Variants in SCYL2 observed in about 807,000 individuals in gnomAD.
SCYL2 encodes SCY1-like protein 2.
SCYL2 carries 36 observed loss-of-function variants against 100.4 expected under a neutral mutation model. That is an observed-to-expected ratio of 0.36 (90% confidence interval 0.27 to 0.47). The LOEUF (loss-of-function observed/expected upper bound fraction) is 0.47. SCYL2 is among the 20% of genes least tolerant of loss of function. SCYL2 has a pLI of 1.00. For missense variants in SCYL2, 902 were observed against 1,083.9 expected, an observed-to-expected ratio of 0.83 and a Z score of 2.36; for synonymous variants, 330 against 359.2, an observed-to-expected ratio of 0.92 and a Z score of 0.92.
At position 100,317,899 on chromosome 12, in the gene SCYL2, C is replaced by G. The variant is rs1175833644; in HGVS notation, c.1369C>G (p.Leu457Val). 1.9e-6 allele frequency: 3 copies of G among 1,589,088 alleles called. No individual in the cohort carries two copies. Among genetic ancestry groups the G allele is most frequent in the Non-Finnish European group, 2.6e-6 (3 of 1,173,452 alleles). The change falls in exon 10 of 18, where the codon CTA (leucine) becomes GTA (valine). Residue 457 changes from leucine (L) to valine (V), a missense_variant. Coordinates refer to ENST00000360820, the MANE Select transcript of SCYL2 (RefSeq NM_017988.6). ...NSVLPMVYRA[L>V]EAPSIQIQEL... ...TGTTCTACCCATGGTTTACAGAGCA[C>G]TAGAAGCTCCTTCCATTCAGATCCA...
rs769835300 is a variant in SCYL2 at position 100,323,638 on chromosome 12, G to T, written c.1509G>T (p.Ala503=). Residue 503 remains alanine (A), a splice_region_variant and synonymous_variant, in exon 11 of 18, where the codon GCG becomes GCT. Transcript: ENST00000360820. ...KNACLQTSSL[A]VRVNSLVCLG... ...CTTGTCTACAAACATCTTCCCTTGCGGTAAGTAATTGCATATTAATTTTTG... is the reference window on the plus strand; with the variant it reads ...CTTGTCTACAAACATCTTCCCTTGCTGTAAGTAATTGCATATTAATTTTTG... 1 of 1,520,306 alleles carries T rather than the reference G, an allele frequency of 6.6e-7. No homozygotes were observed. The highest frequency in any genetic ancestry group is 1.9e-5 in the Admixed American group (1 of 52,320). The allele number at this position is 1,520,306 out of a possible 1,614,324, so 94.2% of individuals were successfully genotyped here.
intron 4 of SCYL2, among the ~76,000 whole-genome samples, chr12:100,301,335 T>C (rs972409420): frequency 6.6e-6 from 1 of 152,354 alleles, no homozygotes. Flanking sequence ...TGCCCATTTT[T>C]GATCAGATTA....
In SCYL2 at chr12:100,267,227, C is replaced by T; in HGVS notation, c.-594C>T. ...TCGTCCCCGGTCCCTCCCCTCCCCA[C>T]CCCTTTCCTTCTAGCTCCGACGTTT... On this transcript the variant is annotated 5_prime_UTR_variant, in exon 1 of 18. Transcript: ENST00000360820. 2 of 800,722 alleles carry T rather than the reference C, an allele frequency of 2.5e-6. No homozygotes were observed. Among genetic ancestry groups the T allele is most frequent in the Non-Finnish European group, 3.8e-6 (2 of 522,696 alleles). 49.6% of individuals were successfully genotyped at this position (800,722 alleles called of 1,614,324 possible). A position where few individuals can be genotyped will look rare whatever the true frequency, so the allele number is the denominator to read the frequency against.
intron 3 of SCYL2, among the ~76,000 whole-genome samples, chr12:100,292,660 T>A (rs967984256): frequency 1.3e-5 from 2 of 152,224 alleles, no homozygotes; most frequent in Non-Finnish European, 2.9e-5. Flanking sequence ...TTTACATTGT[T>A]TAATTCATCT....
In SCYL2 at chr12:100,312,621, A is replaced by G. The variant is rs955562299; in HGVS notation, c.820A>G (p.Ile274Val). 1 of 1,612,542 alleles carries G rather than the reference A, an allele frequency of 6.2e-7. No homozygotes were observed. The highest frequency in any genetic ancestry group is 1.3e-5 in the African/African-American group (1 of 74,904). The change falls in exon 6 of 18, where the codon ATT (isoleucine) becomes GTT (valine). Residue 274 changes from isoleucine to valine, a missense_variant. Coordinates refer to ENST00000360820, the MANE Select transcript of SCYL2 (RefSeq NM_017988.6). Reference sequence around the variant, plus strand: ...TATATTTGAAGTCAACAAGCAAGATATTTACAAGAGTTTCAGTAGGCAGTT... The same window carrying G: ...TATATTTGAAGTCAACAAGCAAGATGTTTACAAGAGTTTCAGTAGGCAGTT... ...KPIFEVNKQD[I>V]YKSFSRQLDQ... is the part of the protein sequence containing the mutation.
chr12:100,324,939 A>G (rs2096360011), intron 11 of SCYL2, among the ~76,000 whole-genome samples: 1 of 152,192 alleles, frequency 6.6e-6, no homozygotes, highest in Non-Finnish European at 1.5e-5. Flanking sequence ...TTCTCAAAGT[A>G]CATGTTGTAG....
At chr12:100,324,054 T>A (rs1242833196) in intron 11 of SCYL2, among the ~76,000 whole-genome samples, 4 of 152,148 alleles carry the variant, frequency 2.6e-5, no homozygotes, top group Non-Finnish European at 4.4e-5. Flanking sequence ...CTCACTGACT[T>A]GCCCACTTCT....
chr12:100,319,768 G>GT (rs2096353619), intron 10 of SCYL2, among the ~76,000 whole-genome samples: 1 of 152,180 alleles, frequency 6.6e-6, no homozygotes, highest in Non-Finnish European at 1.5e-5. Context: ...ATCATTCAGT[G>GT]TAAGTCTTTA....
At chr12:100,328,277 T>TA (rs35452685) in intron 12 of SCYL2, among the ~76,000 whole-genome samples, 33,997 of 151,208 alleles carry the variant, frequency 0.22, 4,270 homozygotes, top group African/African-American at 0.33. Flanking sequence ...GACCCTGTCT[T>TA]AAAAAAAAAG....
chr12:100,312,563 TG>T lies in SCYL2; in HGVS notation c.763del (p.Val255LeufsTer31). The stretch of plus-strand genomic sequence containing the variant: ...CCAGTGATATGTATTCTTTAGGAAC[TG>T]TTATGTATGCTGTATTTAATAAAGG... ...TASDMYSLGT[V>X]MYAVFNKGKP... On this transcript the variant is annotated frameshift_variant, in exon 6 of 18. Coordinates refer to ENST00000360820, the MANE Select transcript of SCYL2 (RefSeq NM_017988.6). LOFTEE classifies it high-confidence loss of function. 6.2e-7 allele frequency: 1 copy of T among 1,612,974 alleles called. No homozygotes were observed. Among genetic ancestry groups the T allele is most frequent in the Non-Finnish European group, 8.5e-7 (1 of 1,179,036 alleles).
rs910388626 is a variant in SCYL2, at chr12:100,339,851, AGTAAT to A, written c.*683_*687del. On this transcript the variant is annotated 3_prime_UTR_variant, in exon 18 of 18. Transcript: ENST00000360820. ...TATTTTAGCATGGTCTGCCTCAAAT[AGTAAT>A]GTATTTTTCTGCATTCACTTGGATA... The A allele has an allele frequency of 6.6e-6, 1 of 152,556 alleles. No homozygotes were observed. The highest frequency in any genetic ancestry group is 1.5e-5 in the Non-Finnish European group (1 of 68,002). 9.5% of individuals were successfully genotyped at this position (152,556 alleles called of 1,614,324 possible). A position where few individuals can be genotyped will look rare whatever the true frequency, so the allele number is the denominator to read the frequency against.
At chr12:100,309,106 T>TTGTGTGTGTGTG (rs143410251) in intron 4 of SCYL2, among the ~76,000 whole-genome samples, 93 of 148,168 alleles carry the variant, frequency 6.3e-4, no homozygotes, top group African/African-American at 2.0e-3. Context: ...GTATTTTGAT[T>TTGTGTGTGTGTG]TGTGTGTGTG....
chr12:100,295,399 C>A (rs1052957850), intron 3 of SCYL2, among the ~76,000 whole-genome samples: 19 of 152,184 alleles, frequency 1.2e-4, no homozygotes, highest in Non-Finnish European at 1.3e-4. Context: ...GCACTCCAGC[C>A]GGGGCACCAT....
At chr12:100,281,016 A>G (rs1299992320) in intron 1 of SCYL2, among the ~76,000 whole-genome samples, 3 of 113,366 alleles carry the variant, frequency 2.6e-5, no homozygotes, top group African/African-American at 1.1e-4. Context: ...CTTTACCATC[A>G]GTGTTTTTTT....
At chr12:100,328,893 G>A (rs1459251417) in intron 12 of SCYL2, among the ~76,000 whole-genome samples, 1 of 152,170 alleles carries the variant, frequency 6.6e-6, no homozygotes, top group Non-Finnish European at 1.5e-5. Context: ...AGGCCATTCT[G>A]TAACCTTACT....
In SCYL2 at chr12:100,298,195, A is replaced by G; in HGVS notation, c.480+20A>G. 1.3e-6 allele frequency: 2 copies of G among 1,484,188 alleles called. No individual in the cohort carries two copies. The allele number at this position is 1,484,188 out of a possible 1,614,324, so 91.9% of individuals were successfully genotyped here. A position where few individuals can be genotyped will look rare whatever the true frequency, so the allele number is the denominator to read the frequency against. On this transcript the variant is annotated intron_variant, in intron 4 of 17. Coordinates refer to ENST00000360820, the MANE Select transcript of SCYL2 (RefSeq NM_017988.6). ...CTTCAGGTATGTATTTTTATTCATC[A>G]TGTAAAAAAGAGTTGTTTCCTTTAA...
At chr12:100,337,357 G>A (rs370278291) in intron 16 of SCYL2, 30 bp from the exon 17 acceptor site, 41 of 1,598,084 alleles carry the variant, frequency 2.6e-5, no homozygotes, top group Middle Eastern at 1.7e-4. Context: ...ATAAATTGCC[G>A]GTTGATTTTT....
intron 1 of SCYL2, among the ~76,000 whole-genome samples, chr12:100,268,124 T>C (rs1298438599): frequency 6.6e-6 from 1 of 152,208 alleles, no homozygotes; most frequent in Non-Finnish European, 1.5e-5. Context: ...TCGAGGAGGC[T>C]CCAGACAAGC....
At chr12:100,320,361 A>G (rs1191115140) in intron 10 of SCYL2, among the ~76,000 whole-genome samples, 1 of 152,072 alleles carries the variant, frequency 6.6e-6, no homozygotes, top group Admixed American at 6.5e-5. Flanking sequence ...CCTGGCCAAC[A>G]TGGCGAAACC....
Sources: allele counts gnomAD v4.1 joint callset (sites outside exome capture counted in the v4.1 genomes callset), GRCh38; gene constraint gnomAD v4.1.1; transcripts MANE v1.5; gene names NCBI Gene and HGNC (gene_info 2026-07-23, HGNC 2026-07-21).